PCDH9: variants seen among roughly 807,000 people sequenced by gnomAD.
PCDH9 encodes protocadherin 9, also known as protocadherin-9.
PCDH9 carries 24 observed loss-of-function variants against 70.6 expected under a neutral mutation model. That is an observed-to-expected ratio of 0.34 (90% confidence interval 0.25 to 0.48). The LOEUF is 0.48. Ranked by LOEUF, PCDH9 falls within the 20% of genes least tolerant of loss-of-function variation. The pLI, the probability that PCDH9 is intolerant of heterozygous loss-of-function variation, is 0.99. For synonymous variants in PCDH9, 562 were observed against 558.5 expected (o/e 1.01, Z -0.09); for missense variants, 1,281 against 1,503.6 (o/e 0.85, Z 2.45).
chr13:67,210,207 A>G (rs1322222240), intron 2 of PCDH9: 1 of 152,070 alleles, frequency 6.6e-6, no homozygotes, highest in Non-Finnish European at 1.5e-5. Flanking sequence ...TTCCAATCAA[A>G]TAATAAATGC....
chr13:67,179,916 A>C (rs930732582), intron 2 of PCDH9, among the ~76,000 whole-genome samples: 4 of 152,120 alleles, frequency 2.6e-5, no homozygotes, highest in Non-Finnish European at 5.9e-5. Flanking sequence ...TGCAATATAG[A>C]CTCAAAACTA....
At chr13:66,369,976 A>T (rs574815250) in intron 4 of PCDH9, among the ~76,000 whole-genome samples, 1 of 152,244 alleles carries the variant, frequency 6.6e-6, no homozygotes, top group East Asian at 1.9e-4. Flanking sequence ...CCAGTGAAAA[A>T]TACAGTGAAG....
At chr13:66,934,607 TA>T (rs1444408348) in intron 2 of PCDH9, among the ~76,000 whole-genome samples, 2 of 146,132 alleles carry the variant, frequency 1.4e-5, no homozygotes, top group African/African-American at 5.0e-5. Context: ...AAAAAGCAGA[TA>T]AAGCAAAAAG....
intron 3 of PCDH9, among the ~76,000 whole-genome samples, chr13:66,634,427 ATAAGG>A (rs2077611696): frequency 6.6e-6 from 1 of 152,180 alleles, no homozygotes; most frequent in African/African-American, 2.4e-5. Context: ...ACAAAGACCA[ATAAGG>A]TGTAGGAGAC....
chr13:67,074,487 A>G (rs1348259063), intron 2 of PCDH9, among the ~76,000 whole-genome samples: 1 of 152,120 alleles, frequency 6.6e-6, no homozygotes, highest in Non-Finnish European at 1.5e-5. Context: ...ATGGACTAAG[A>G]CACTGTTTAT....
intron 4 of PCDH9, among the ~76,000 whole-genome samples, chr13:66,429,982 C>A (rs1400470825): frequency 6.6e-6 from 1 of 152,030 alleles, no homozygotes; most frequent in Non-Finnish European, 1.5e-5. Context: ...TTTCTATCAA[C>A]CACACTTTAA....
rs369126438 is a variant in PCDH9 at position 66,835,898 on chromosome 13, A to T, written c.3138+67606T>A. Among the ~76,000 whole-genome samples, 5 of 152,222 alleles carry T rather than the reference A, an allele frequency of 3.3e-5. No homozygotes were observed. In the East Asian group the frequency reaches 9.6e-4, roughly 29 times the overall value. On this transcript the variant is annotated intron_variant, in intron 3 of 4. Coordinates refer to ENST00000377865, the MANE Select transcript of PCDH9 (RefSeq NM_203487.3). ...ATTATAAAAAGCAAGCATGAAAAAA[A>T]CTTAAATATGACCCTAGACACTTAA...
intron 4 of PCDH9, among the ~76,000 whole-genome samples, chr13:66,485,890 C>A (rs943569658): frequency 4.6e-5 from 7 of 151,776 alleles, no homozygotes; most frequent in Non-Finnish European, 7.4e-5. Flanking sequence ...CCACGTCTGG[C>A]TAATTTTTGT....
rs141177018 is a variant in PCDH9 at position 67,225,009 on chromosome 13, G to C, written c.3036+396C>G. ...CACCTTCAAAAGTCATTGAAAACTT[G>C]AGATTTGAAGGTGACTTTTTAGATC... On this transcript the variant is annotated intron_variant, in intron 2 of 4. Transcript: ENST00000377865. 6.3e-4 allele frequency: 652 copies of C among 1,033,058 alleles called. 3 individuals are homozygous for C. The African/African-American group carries it at 0.01, about 16-fold the overall frequency. 64.0% of individuals were successfully genotyped at this position (1,033,058 alleles called of 1,614,324 possible).
chr13:66,975,218 A>C (rs546088128), intron 2 of PCDH9, among the ~76,000 whole-genome samples: 1 of 152,150 alleles, frequency 6.6e-6, no homozygotes, highest in Non-Finnish European at 1.5e-5. Flanking sequence ...AAATGACCTC[A>C]AATTAGTGAA....
chr13:66,737,065 C>T (rs571427715), intron 3 of PCDH9, among the ~76,000 whole-genome samples: 44 of 152,026 alleles, frequency 2.9e-4, no homozygotes, highest in South Asian at 6.3e-4. Flanking sequence ...AAAATAAGCA[C>T]AAAAATAATG....
chr13:67,187,906 A>G (rs755040043), intron 2 of PCDH9, among the ~76,000 whole-genome samples: 1 of 152,122 alleles, frequency 6.6e-6, no homozygotes, highest in Non-Finnish European at 1.5e-5. Context: ...TTTTTGTGAT[A>G]GGAATATTCC....
intron 4 of PCDH9, among the ~76,000 whole-genome samples, chr13:66,537,652 G>A (rs962979946): frequency 1.3e-5 from 2 of 152,034 alleles, no homozygotes; most frequent in Admixed American, 1.3e-4. Flanking sequence ...GAATTACACA[G>A]AGCTTTCTGG....
At chr13:66,400,225 C>A (rs1338103653) in intron 4 of PCDH9, among the ~76,000 whole-genome samples, 1 of 152,174 alleles carries the variant, frequency 6.6e-6, no homozygotes, top group Non-Finnish European at 1.5e-5. Context: ...TACCTGATTT[C>A]TAATAATCAG....
intron 3 of PCDH9, among the ~76,000 whole-genome samples, chr13:66,662,710 T>C (rs2078029456): frequency 6.6e-6 from 1 of 152,112 alleles, no homozygotes; most frequent in African/African-American, 2.4e-5. Flanking sequence ...AAGGAGTTGG[T>C]GGTGTAGGGT....
At position 66,924,544 on chromosome 13, in the gene PCDH9, G is replaced by A. The variant is rs187437283; in HGVS notation, c.3037-20939C>T. Among the ~76,000 whole-genome samples the A allele has an allele frequency of 9.2e-5, 14 of 151,568 alleles. 1 individual carries two copies. In the East Asian group the frequency reaches 9.7e-4, roughly 11 times the overall value. On this transcript the variant is annotated intron_variant, in intron 2 of 4. Transcript: ENST00000377865. ...ACCAGTACTTAAATATACTAGAGACGTTCTTCATGTAAAGAACATATATAA... is the reference window on the plus strand; with the variant it reads ...ACCAGTACTTAAATATACTAGAGACATTCTTCATGTAAAGAACATATATAA...
At chr13:66,370,200 T>C (rs1008951378) in intron 4 of PCDH9, among the ~76,000 whole-genome samples, 6 of 152,022 alleles carry the variant, frequency 3.9e-5, no homozygotes, top group Non-Finnish European at 5.9e-5. Flanking sequence ...ATCAGGAATG[T>C]CTTCCTCAAG....
chr13:66,440,480 ATACTC>A (rs760607699), intron 4 of PCDH9, among the ~76,000 whole-genome samples: 30 of 152,248 alleles, frequency 2.0e-4, no homozygotes, highest in South Asian at 4.1e-4. Context: ...ATATTTATAA[ATACTC>A]TACTAATAAC....
In PCDH9 at chr13:66,304,555, G is replaced by C. The variant is rs1311745726; in HGVS notation, c.*100C>G. Reference sequence around the variant, plus strand: ...CACAAAGTTATAGGTATCCCTGCTAGAAGGGGCATAGTTGTAGAGATCTAT... The same window carrying C: ...CACAAAGTTATAGGTATCCCTGCTACAAGGGGCATAGTTGTAGAGATCTAT... On this transcript the variant is annotated 3_prime_UTR_variant, in exon 5 of 5. Coordinates refer to ENST00000377865, the MANE Select transcript of PCDH9 (RefSeq NM_203487.3). 1 of 908,240 alleles carries C rather than the reference G, an allele frequency of 1.1e-6. No individual in the cohort carries two copies. Among genetic ancestry groups the C allele is most frequent in the African/African-American group, 1.7e-5 (1 of 60,198 alleles). 56.3% of individuals were successfully genotyped at this position (908,240 alleles called of 1,614,324 possible).
Sources: gnomAD v4.1 joint callset for allele counts (sites outside exome capture counted in the v4.1 genomes callset) on GRCh38, gnomAD v4.1.1 for gene constraint, MANE v1.5 for transcripts, NCBI Gene and HGNC (gene_info 2026-07-23, HGNC 2026-07-21) for gene names.